The following SUPT3H variants were observed in gnomAD, a reference collection of about 807,000 sequenced individuals.
SUPT3H encodes SPT3 homolog, SAGA and STAGA complex component, also known as transcription initiation protein SPT3 homolog.
In SUPT3H, 44 loss-of-function variants were observed where a neutral mutation model predicts 44.3. The ratio of observed to expected loss-of-function variants is 0.99; its 90% CI spans 0.78 to 1.28. The LOEUF (loss-of-function observed/expected upper bound fraction) is 1.28. Among genes scored for constraint, SUPT3H ranks in the 50% most tolerant of loss-of-function variants. The probability of loss-of-function intolerance (pLI) is 0.00; values close to 1 mark genes in which losing one functional copy is unlikely to be tolerated. For missense variants in SUPT3H, 380 were observed against 387.1 expected (o/e 0.98, Z 0.15); for synonymous variants, 124 against 125.6 (o/e 0.99, Z 0.09).
chr6:44,849,139 T>C (rs1156257150), intron 10 of SUPT3H, among the ~76,000 whole-genome samples: 1 of 151,986 alleles, frequency 6.6e-6, no homozygotes, highest in Non-Finnish European at 1.5e-5. Flanking sequence ...TGAATAAATT[T>C]ACAAACTTCC....
At chr6:45,363,667 A>C (rs1456748633) in intron 2 of SUPT3H, among the ~76,000 whole-genome samples, 1 of 152,022 alleles carries the variant, frequency 6.6e-6, no homozygotes, top group Non-Finnish European at 1.5e-5. Context: ...CTAAACTATA[A>C]TGAAAAAAAT....
chr6:45,359,753 A>T (rs1044372435), intron 2 of SUPT3H, among the ~76,000 whole-genome samples: 2 of 152,234 alleles, frequency 1.3e-5, no homozygotes, highest in Non-Finnish European at 2.9e-5. Flanking sequence ...TGATAATATA[A>T]AAATGACAGG....
chr6:44,905,860 G>T (rs546161613), intron 10 of SUPT3H, among the ~76,000 whole-genome samples: 80 of 152,258 alleles, frequency 5.3e-4, no homozygotes, highest in East Asian at 2.1e-3. Flanking sequence ...AATGATGAGT[G>T]CATGTCCTTT....
chr6:45,215,620 A>T (rs1764911389), intron 2 of SUPT3H, among the ~76,000 whole-genome samples: 1 of 152,204 alleles, frequency 6.6e-6, no homozygotes, highest in Non-Finnish European at 1.5e-5. Flanking sequence ...TAGAAGGCAG[A>T]TCTTCTGAAT....
intron 2 of SUPT3H, among the ~76,000 whole-genome samples, chr6:45,278,982 G>A (rs983649105): frequency 1.6e-4 from 25 of 152,002 alleles, no homozygotes; most frequent in African/African-American, 5.8e-4. Flanking sequence ...AAAGACATTT[G>A]GATAATATTT....
chr6:45,272,745 A>AT (rs1252003125), intron 2 of SUPT3H, among the ~76,000 whole-genome samples: 15 of 151,114 alleles, frequency 9.9e-5, no homozygotes, highest in African/African-American at 1.5e-4. Context: ...TTTACCAGGC[A>AT]TTTTTTTTTC....
chr6:44,961,470 A>C (rs1011072699), intron 7 of SUPT3H, among the ~76,000 whole-genome samples: 1 of 152,190 alleles, frequency 6.6e-6, no homozygotes, highest in Non-Finnish European at 1.5e-5. Flanking sequence ...AAATACTAAG[A>C]CAATGGAATT....
At chr6:44,930,876 T>G (rs1770479109) in intron 10 of SUPT3H, among the ~76,000 whole-genome samples, 1 of 152,224 alleles carries the variant, frequency 6.6e-6, no homozygotes, top group Non-Finnish European at 1.5e-5. Flanking sequence ...AGATCCAAAT[T>G]AGCTTAGGCA....
At chr6:45,054,308 C>T (rs1022055489) in intron 3 of SUPT3H, among the ~76,000 whole-genome samples, 14 of 152,014 alleles carry the variant, frequency 9.2e-5, no homozygotes, top group South Asian at 2.1e-4. Flanking sequence ...CCCTCATGTA[C>T]CCCACACACA....
chr6:44,906,755 C>A (rs1216334793), intron 10 of SUPT3H, among the ~76,000 whole-genome samples: 1 of 152,140 alleles, frequency 6.6e-6, no homozygotes, highest in Non-Finnish European at 1.5e-5. Flanking sequence ...GAGTGAGACT[C>A]CGTCTCAAAA....
chr6:44,851,034 G>A (rs750745995), intron 10 of SUPT3H, among the ~76,000 whole-genome samples: 29 of 152,160 alleles, frequency 1.9e-4, no homozygotes, highest in Non-Finnish European at 3.5e-4. Flanking sequence ...GACAGATGGT[G>A]TACGTGATGG....
intron 4 of SUPT3H, among the ~76,000 whole-genome samples, chr6:45,019,859 G>A (rs764667423): frequency 1.3e-5 from 2 of 151,792 alleles, no homozygotes; most frequent in African/African-American, 4.8e-5. Flanking sequence ...TAATAGTGAA[G>A]ATTTTCATTT....
chr6:45,198,133 C>A (rs180964413), intron 2 of SUPT3H, among the ~76,000 whole-genome samples: 200 of 151,452 alleles, frequency 1.3e-3, no homozygotes, highest in African/African-American at 4.6e-3. Context: ...TAAAATGATA[C>A]TTAATCATAT....
At chr6:44,845,453 G>A (rs916122399) in intron 10 of SUPT3H, among the ~76,000 whole-genome samples, 2 of 152,174 alleles carry the variant, frequency 1.3e-5, no homozygotes, top group African/African-American at 4.8e-5. Flanking sequence ...AACTGTTTTG[G>A]TACTGGTATG....
At chr6:44,904,145 A>G (rs1479350349) in intron 10 of SUPT3H, among the ~76,000 whole-genome samples, 3 of 152,004 alleles carry the variant, frequency 2.0e-5, no homozygotes, top group Non-Finnish European at 4.4e-5. Flanking sequence ...CTCTCTCACC[A>G]CTCCTATTCA....
At position 45,313,598 on chromosome 6, in the gene SUPT3H, A is replaced by G. The variant is rs148803657; in HGVS notation, c.101+51603T>C. 4.3e-3 allele frequency among the ~76,000 whole-genome samples: 646 copies of G among 151,990 alleles called. 6 individuals are homozygous for G. Among genetic ancestry groups the G allele is most frequent in the Non-Finnish European group, 8.2e-3 (558 of 67,978 alleles). On this transcript the variant is annotated intron_variant, in intron 2 of 10. Coordinates refer to ENST00000371459, the MANE Select transcript of SUPT3H (RefSeq NM_003599.4). ...CTGCTAGCTTAAATAAGGAAGAATT[A>G]GATACCTTGAACAGACCAATAACAA...
chr6:45,372,882 A>C (rs1318558189), intron 1 of SUPT3H, among the ~76,000 whole-genome samples: 1 of 152,070 alleles, frequency 6.6e-6, no homozygotes, highest in African/African-American at 2.4e-5. Flanking sequence ...TAATGGCACA[A>C]TCTTGGCTCA....
intron 2 of SUPT3H, among the ~76,000 whole-genome samples, chr6:45,126,006 C>T (rs1324420416): frequency 1.3e-5 from 2 of 152,092 alleles, no homozygotes; most frequent in Non-Finnish European, 1.5e-5. Context: ...GAGACCCAAA[C>T]ATGATCTCTT....
At chr6:45,166,021 A>G (rs1809780736) in intron 2 of SUPT3H, among the ~76,000 whole-genome samples, 1 of 152,252 alleles carries the variant, frequency 6.6e-6, no homozygotes, top group African/African-American at 2.4e-5. Flanking sequence ...GGCCAGGCAC[A>G]GTGGCTCACG....
Sources: allele counts gnomAD v4.1 joint callset (sites outside exome capture counted in the v4.1 genomes callset), GRCh38; gene constraint gnomAD v4.1.1; transcripts MANE v1.5; gene names NCBI Gene and HGNC (gene_info 2026-07-23, HGNC 2026-07-21).